The following CSE1L variants were observed in gnomAD, a reference collection of about 807,000 sequenced individuals.
The protein encoded by CSE1L is chromosome segregation 1 like.
CSE1L carries 24 observed loss-of-function variants against 120.4 expected under a neutral mutation model. The ratio of observed to expected loss-of-function variants is 0.20; its 90% CI spans 0.14 to 0.28. The LOEUF is 0.28. CSE1L is among the 10% of genes least tolerant of loss of function. The pLI is 1.00. For missense variants in CSE1L, 830 were observed against 1,145.2 expected, an observed-to-expected ratio of 0.72 and a Z score of 3.97; for synonymous variants, 402 against 398.3, an observed-to-expected ratio of 1.01 and a Z score of -0.11.
rs1228794835 is a variant in CSE1L, at chr20:49,094,918, C to T, written c.2781C>T (p.His927=). 3 of 1,614,104 alleles carry T rather than the reference C, an allele frequency of 1.9e-6. No individual in the cohort carries two copies. The highest frequency in any genetic ancestry group is 2.5e-6 in the Non-Finnish European group (3 of 1,180,012). ...VGQMVNNPKI[H]LAQSLHKLST... is the part of the protein sequence containing the mutation. ...AAATGGTGAATAACCCCAAAATTCA[C>T]CTGGCACAGTCACTTCACAAGTTGT... The change falls in exon 24 of 25, where the codon CAC becomes CAT. Residue 927 remains histidine, a synonymous_variant. Transcript: ENST00000262982.
chr20:49,067,422 C>T, intron 6 of CSE1L, 142 bp downstream of exon 6: 1 of 538,164 alleles, frequency 1.9e-6, no homozygotes, highest in South Asian at 3.4e-5. Context: ...CAAACCTACA[C>T]AGAAATAGAG....
chr20:49,092,486 C>T (rs1815886333), intron 22 of CSE1L, among the ~76,000 whole-genome samples: 1 of 151,838 alleles, frequency 6.6e-6, no homozygotes, highest in Non-Finnish European at 1.5e-5. Context: ...TGGCATTCTC[C>T]ACAGCCAGTG....
At chr20:49,058,096 C>T (rs1277960660) in intron 1 of CSE1L, among the ~76,000 whole-genome samples, 1 of 152,124 alleles carries the variant, frequency 6.6e-6, no homozygotes, top group Non-Finnish European at 1.5e-5. Flanking sequence ...TTAATAAGTT[C>T]CTCCAGTGAT....
At chr20:49,084,267 T>C in intron 15 of CSE1L, 105 bp downstream of exon 15, 1 of 1,178,542 alleles carries the variant, frequency 8.5e-7, no homozygotes, top group Non-Finnish European at 1.2e-6. Context: ...AAAACAAATG[T>C]CTGCTTTCTA....
intron 2 of CSE1L, 61 bp downstream of exon 2, chr20:49,058,609 T>C (rs2091827486): frequency 8.2e-7 from 1 of 1,223,196 alleles, no homozygotes; most frequent in Non-Finnish European, 1.2e-6. Context: ...GAGAAACCTA[T>C]GTATTATCTG....
chr20:49,092,254 A>T lies in CSE1L; in HGVS notation c.2447+127A>T, dbSNP rs1027416649. On this transcript the variant is annotated intron_variant, in intron 22 of 24. Coordinates refer to ENST00000262982, the MANE Select transcript of CSE1L (RefSeq NM_001316.4). ...TATGGAGATAGTGTCTATGGTTTTC[A>T]AAATATTCTTAGGTATTGGGAGTAA... 3 of 576,366 alleles carry T rather than the reference A, an allele frequency of 5.2e-6. No homozygotes were observed. The African/African-American group carries it at 5.8e-5, about 11-fold the overall frequency. 35.7% of individuals were successfully genotyped at this position (576,366 alleles called of 1,614,324 possible). A position where few individuals can be genotyped will look rare whatever the true frequency, so the allele number is the denominator to read the frequency against.
chr20:49,090,294 A>T (rs1600549525), intron 19 of CSE1L, among the ~76,000 whole-genome samples: 1 of 152,216 alleles, frequency 6.6e-6, no homozygotes, highest in African/African-American at 2.4e-5. Context: ...GTGGTGGCTC[A>T]CACCTGTAAT....
rs767167617 is a variant in CSE1L at position 49,090,691 on chromosome 20, C to T, written c.2182-51C>T. Reference sequence around the variant, plus strand: ...AAGACATATATCATGTTTAACTTTTCGAATAATTATTCCTGTTAACCATTT... The same window carrying T: ...AAGACATATATCATGTTTAACTTTTTGAATAATTATTCCTGTTAACCATTT... On this transcript the variant is annotated intron_variant, in intron 19 of 24. Transcript: ENST00000262982. 1.5e-5 allele frequency: 21 copies of T among 1,378,600 alleles called. No homozygotes were observed. In the Admixed American group the frequency reaches 2.0e-4, roughly 13 times the overall value. The allele number at this position is 1,378,600 out of a possible 1,614,324, so 85.4% of individuals were successfully genotyped here.
chr20:49,089,811 T>C, intron 19 of CSE1L, 65 bp downstream of exon 19: 2 of 1,454,156 alleles, frequency 1.4e-6, no homozygotes, highest in Non-Finnish European at 1.9e-6. Flanking sequence ...GGATGGCAGA[T>C]GTTTGAAATT....
chr20:49,089,402 G>T lies in CSE1L; in HGVS notation c.1972+5G>T. 6.2e-7 allele frequency: 1 copy of T among 1,606,428 alleles called. No individual in the cohort carries two copies. The highest frequency in any genetic ancestry group is 8.5e-7 in the Non-Finnish European group (1 of 1,178,114). ...TCTTACAAAATGATGTGCAAGGTAA[G>T]TTAACGGAAATTATTTTCTTTGTAA... On this transcript the variant is annotated splice_donor_5th_base_variant and intron_variant, in intron 18 of 24. Coordinates refer to ENST00000262982, the MANE Select transcript of CSE1L (RefSeq NM_001316.4).
At chr20:49,055,171 C>T (rs1203005191) in intron 1 of CSE1L, among the ~76,000 whole-genome samples, 1 of 152,160 alleles carries the variant, frequency 6.6e-6, no homozygotes, top group Non-Finnish European at 1.5e-5. Context: ...TTTAGTGAAA[C>T]AAATTTGCAT....
At chr20:49,058,372 C>A in intron 1 of CSE1L, 81 bp from the exon 2 acceptor site, 1 of 993,366 alleles carries the variant, frequency 1.0e-6, no homozygotes, top group Non-Finnish European at 1.5e-6. Flanking sequence ...GAGAATAACC[C>A]ATAATATAAA....
intron 1 of CSE1L, among the ~76,000 whole-genome samples, chr20:49,054,837 T>G (rs2091794388): frequency 6.6e-6 from 1 of 152,204 alleles, no homozygotes; most frequent in African/African-American, 2.4e-5. Context: ...AGCCCACTAT[T>G]CTCTCTTCCC....
rs1568769284 is a variant in CSE1L at position 49,065,585 on chromosome 20, A to ATT, written c.229-607_229-606insTT. On this transcript the variant is annotated intron_variant, in intron 3 of 24. Coordinates refer to ENST00000262982, the MANE Select transcript of CSE1L (RefSeq NM_001316.4). Reference sequence around the variant, plus strand: ...GCCATCGCACCTGGCCTAAAATGGAAATTTTTTTTTTTTTTTTTTTTTTTT... The same window carrying ATT: ...GCCATCGCACCTGGCCTAAAATGGAATTATTTTTTTTTTTTTTTTTTTTTTTT... 1.2e-3 allele frequency among the ~76,000 whole-genome samples: 92 copies of ATT among 77,324 alleles called. 4 individuals are homozygous for ATT. The highest frequency in any genetic ancestry group is 3.8e-3 in the African/African-American group (83 of 21,916). The allele number at this position is 77,324 out of a possible 152,430, so 50.7% of individuals were successfully genotyped here.
At chr20:49,050,367 T>C (rs373575721) in intron 1 of CSE1L, among the ~76,000 whole-genome samples, 1 of 148,264 alleles carries the variant, frequency 6.7e-6, no homozygotes, top group South Asian at 2.1e-4. Flanking sequence ...CACAGGAGGG[T>C]ATCACCAAGC....
At chr20:49,063,152 A>T in intron 2 of CSE1L, 50 bp from the exon 3 acceptor site, 1 of 1,173,780 alleles carries the variant, frequency 8.5e-7, no homozygotes. Flanking sequence ...GATATATATA[A>T]GGTGGAAAGA....
chr20:49,059,510 A>G (rs767799843), intron 2 of CSE1L, among the ~76,000 whole-genome samples: 6 of 152,214 alleles, frequency 3.9e-5, no homozygotes, highest in Non-Finnish European at 8.8e-5. Flanking sequence ...TTGCAAGATC[A>G]GATTTCCAGT....
intron 1 of CSE1L, among the ~76,000 whole-genome samples, chr20:49,058,176 A>C (rs561788315): frequency 2.6e-5 from 4 of 151,914 alleles, no homozygotes; most frequent in Non-Finnish European, 5.9e-5. Flanking sequence ...GGTGACTTCG[A>C]GCAGTCCTTC....
At chr20:49,087,048 G>A (rs572621814) in intron 16 of CSE1L, among the ~76,000 whole-genome samples, 1 of 152,246 alleles carries the variant, frequency 6.6e-6, no homozygotes, top group South Asian at 2.1e-4. Context: ...TTGGGGCTCT[G>A]CTTAGTAAAC....
Sources: allele counts gnomAD v4.1 joint callset (sites outside exome capture counted in the v4.1 genomes callset), GRCh38; gene constraint gnomAD v4.1.1; transcripts MANE v1.5; gene names NCBI Gene and HGNC (gene_info 2026-07-23, HGNC 2026-07-21).